The following KCNK2 variants were observed in gnomAD, a reference collection of about 807,000 sequenced individuals.
KCNK2 encodes the protein potassium two pore domain channel subfamily K member 2, also known as potassium channel subfamily K member 2.
A neutral mutation model predicts 40.5 loss-of-function variants in KCNK2; 21 were observed. The observed-to-expected ratio is 0.52, with a 90% CI of 0.37 to 0.75. The LOEUF (loss-of-function observed/expected upper bound fraction) is 0.75, where lower values mean the gene tolerates loss of function less well. Ranked by LOEUF, KCNK2 falls within the 30% of genes least tolerant of loss-of-function variation. The pLI is 0.00. For missense variants in KCNK2, 399 were observed against 531.6 expected, an observed-to-expected ratio of 0.75 and a Z score of 2.45; for synonymous variants, 191 against 202.2, an observed-to-expected ratio of 0.94 and a Z score of 0.47.
chr1:215,087,883 G>A (rs11588811), intron 2 of KCNK2, among the ~76,000 whole-genome samples: 6,150 of 152,110 alleles, frequency 0.04, 175 homozygotes, highest in Admixed American at 0.074. Context: ...ATGCATACAC[G>A]TTCTTATTCA....
intron 5 of KCNK2, among the ~76,000 whole-genome samples, chr1:215,172,819 G>A (rs909852431): frequency 4.6e-5 from 7 of 152,106 alleles, no homozygotes; most frequent in Admixed American, 4.6e-4. Flanking sequence ...ACTAGGCCCA[G>A]CTAATTGATG....
chr1:215,163,762 A>T (rs1663313603), intron 3 of KCNK2, among the ~76,000 whole-genome samples: 1 of 152,112 alleles, frequency 6.6e-6, no homozygotes, highest in Non-Finnish European at 1.5e-5. Flanking sequence ...CATCCCAGGG[A>T]TGAAGCCGAC....
At chr1:215,081,863 T>G (rs1311216092), upstream of KCNK2, 1 of 152,298 alleles carries the variant, frequency 6.6e-6, no homozygotes, top group African/African-American at 2.4e-5. Flanking sequence ...CCCTCCTTGG[T>G]GGGTTCCGTT....
intron 6 of KCNK2, among the ~76,000 whole-genome samples, chr1:215,221,398 G>A (rs1447835064): frequency 4.0e-5 from 6 of 151,796 alleles, no homozygotes; most frequent in African/African-American, 7.3e-5. Context: ...AACAAACAAC[G>A]ACAACAAAAA....
intron 6 of KCNK2, among the ~76,000 whole-genome samples, chr1:215,209,410 T>C (rs1249846491): frequency 1.8e-5 from 1 of 56,260 alleles, no homozygotes; most frequent in Non-Finnish European, 2.9e-5. Context: ...AAAATATGCA[T>C]ATATTATATA....
rs376032200 is a variant in KCNK2, at chr1:215,188,443, T to C, written c.824-6510T>C. Among the ~76,000 whole-genome samples, 91 of 152,320 alleles carry C rather than the reference T, an allele frequency of 6.0e-4. 1 individual carries two copies. In the South Asian group the frequency reaches 0.019, roughly 31 times the overall value. ...TCTTGGAATTACATTTTCAAAGTCA[T>C]TATTGGAAATGTAATTTTTAGTAAG... On this transcript the variant is annotated intron_variant, in intron 5 of 6. Coordinates refer to ENST00000444842, the MANE Select transcript of KCNK2 (RefSeq NM_001017425.3).
chr1:215,146,301 A>G (rs1662409542), intron 3 of KCNK2, among the ~76,000 whole-genome samples: 1 of 152,194 alleles, frequency 6.6e-6, no homozygotes, highest in Admixed American at 6.5e-5. Context: ...ATATGAATGT[A>G]TCTTGCTACC....
chr1:215,093,803 A>T (rs187890131), intron 2 of KCNK2, among the ~76,000 whole-genome samples: 65 of 27,568 alleles, frequency 2.4e-3, no homozygotes, highest in East Asian at 8.2e-3. Context: ...ATATAATATA[A>T]AATATATTAT....
At chr1:215,199,863 A>T (rs1003223417) in intron 6 of KCNK2, among the ~76,000 whole-genome samples, 1 of 152,170 alleles carries the variant, frequency 6.6e-6, no homozygotes, top group Non-Finnish European at 1.5e-5. Context: ...TACTACACAC[A>T]GGCATACCTC....
intron 2 of KCNK2, among the ~76,000 whole-genome samples, chr1:215,087,781 C>T (rs1659511791): frequency 1.3e-5 from 2 of 152,164 alleles, no homozygotes; most frequent in Non-Finnish European, 2.9e-5. Context: ...TTTAATCCTG[C>T]TTTTTGTTTG....
At chr1:215,062,968 G>A (rs751535342) in intron 1 of KCNK2, among the ~76,000 whole-genome samples, 1 of 152,098 alleles carries the variant, frequency 6.6e-6, no homozygotes, top group African/African-American at 2.4e-5. Context: ...GAATGAAAAG[G>A]ATAAACTTGG....
chr1:215,052,353 A>T (rs1250208709), intron 1 of KCNK2, among the ~76,000 whole-genome samples: 1 of 152,222 alleles, frequency 6.6e-6, no homozygotes, highest in Non-Finnish European at 1.5e-5. Flanking sequence ...TATAGAGCAG[A>T]GGATGGACTG....
chr1:215,163,973 G>C (rs1245400998), intron 3 of KCNK2, among the ~76,000 whole-genome samples: 1 of 152,048 alleles, frequency 6.6e-6, no homozygotes, highest in African/African-American at 2.4e-5. Flanking sequence ...TCTATTGTTT[G>C]GAATAGTTTC....
intron 1 of KCNK2, among the ~76,000 whole-genome samples, chr1:215,021,573 T>TG (rs1553255768): frequency 8.1e-6 from 1 of 123,638 alleles, no homozygotes; most frequent in Non-Finnish European, 1.6e-5. Context: ...TGAGACGGAA[T>TG]CTCGCTCTGT....
intron 1 of KCNK2, among the ~76,000 whole-genome samples, chr1:215,022,407 A>C (rs978080641): frequency 6.6e-6 from 1 of 152,090 alleles, no homozygotes; most frequent in Non-Finnish European, 1.5e-5. Flanking sequence ...CCTTTGTATC[A>C]GATCTCTTCA....
intron 5 of KCNK2, among the ~76,000 whole-genome samples, chr1:215,192,858 A>AT (rs1478761641): frequency 6.6e-6 from 1 of 152,162 alleles, no homozygotes; most frequent in Admixed American, 6.6e-5. Context: ...TTCTAAAATT[A>AT]TTTTTGTCCC....
intron 5 of KCNK2, among the ~76,000 whole-genome samples, chr1:215,182,913 G>A: frequency 6.6e-6 from 1 of 152,234 alleles, no homozygotes; most frequent in Admixed American, 6.5e-5. Flanking sequence ...TTCTCCCTTG[G>A]CCTGGGTTGC....
chr1:215,088,999 T>G (rs902632591), intron 2 of KCNK2, among the ~76,000 whole-genome samples: 2 of 152,230 alleles, frequency 1.3e-5, no homozygotes, highest in African/African-American at 4.8e-5. Flanking sequence ...ACATAATTTA[T>G]TTTGATAAAA....
intron 6 of KCNK2, among the ~76,000 whole-genome samples, chr1:215,225,332 G>A (rs1347079671): frequency 6.6e-6 from 1 of 152,066 alleles, no homozygotes; most frequent in East Asian, 1.9e-4. Flanking sequence ...CTTCATACAT[G>A]ACATTTATTA....
Sources: allele counts gnomAD v4.1 joint callset (sites outside exome capture counted in the v4.1 genomes callset), GRCh38; gene constraint gnomAD v4.1.1; transcripts MANE v1.5; gene names NCBI Gene and HGNC (gene_info 2026-07-23, HGNC 2026-07-21).